Variants in NBPF11 observed in about 807,000 individuals in gnomAD.
NBPF11 encodes the protein NBPF family member NBPF11.
A neutral mutation model predicts 93.9 loss-of-function variants in NBPF11; 72 were observed. The ratio of observed to expected loss-of-function variants is 0.77; its 90% confidence interval spans 0.63 to 0.93. The LOEUF (loss-of-function observed/expected upper bound fraction) is 0.93, where lower values mean the gene tolerates loss of function less well. Among genes scored for constraint, NBPF11 ranks in the 40% least tolerant of loss-of-function variants. The probability of loss-of-function intolerance (pLI) is 0.00; values close to 1 mark genes in which losing one functional copy is unlikely to be tolerated. For missense variants in NBPF11, 705 were observed against 802.2 expected, an observed-to-expected ratio of 0.88 and a Z score of 1.46; for synonymous variants, 224 against 304.9, an observed-to-expected ratio of 0.73 and a Z score of 2.76.
intron 17 of NBPF11, 149 bp downstream of exon 17, chr1:148,109,135 C>G: frequency 2.7e-6 from 2 of 752,376 alleles, no homozygotes; most frequent in South Asian, 1.4e-5. Context: ...AACATTTACT[C>G]TAATGAGAAC....
intron 1 of NBPF11, among the ~76,000 whole-genome samples, chr1:148,148,953 G>C (rs1381263791): frequency 6.6e-6 from 1 of 151,178 alleles, no homozygotes; most frequent in East Asian, 2.0e-4. Flanking sequence ...GCAGGGAACG[G>C]GGCGGGGCCG....
intron 3 of NBPF11, among the ~76,000 whole-genome samples, 151 bp from the exon 4 acceptor site, chr1:148,135,964 C>T (rs1250637059): frequency 9.2e-5 from 14 of 152,140 alleles, no homozygotes; most frequent in East Asian, 1.9e-4. Flanking sequence ...CATGATTAAA[C>T]TCCTTCCTGA....
At position 148,126,996 on chromosome 1, in the gene NBPF11, A is replaced by G. The variant is rs1553273338; in HGVS notation, c.8T>C (p.Val3Ala). 1.4e-6 allele frequency: 1 copy of G among 729,140 alleles called. No individual in the cohort carries two copies. Among genetic ancestry groups the G allele is most frequent in the Non-Finnish European group, 2.3e-6 (1 of 426,550 alleles). The allele number at this position is 729,140 out of a possible 1,614,324, so 45.2% of individuals were successfully genotyped here. The change falls in exon 5 of 24, where the codon GTA (valine) becomes GCA (alanine). Residue 3 changes from valine (V) to alanine (A), a missense_variant. By Grantham distance (64) the Val-to-Ala change is moderately conservative. This residue lies in a region of NBPF11 where 128 missense variants were observed against 112.8 expected (regional missense o/e 1.14). Transcript: ENST00000682118. ...CTCGCTGGACCAAGGGCCGGCTGAT[A>G]CCACCATGCTGACGTTTGTGGCAGA... The part of the protein sequence containing the change: MV[V>A]SAGPWSSEKA...
chr1:148,133,820 T>C (rs3992712), intron 4 of NBPF11, among the ~76,000 whole-genome samples: 15 of 151,406 alleles, frequency 9.9e-5, no homozygotes, highest in Middle Eastern at 3.4e-3. Context: ...GTCATAAATT[T>C]CCACTATGGT....
chr1:148,134,134 C>T (rs1171388198), intron 4 of NBPF11, among the ~76,000 whole-genome samples: 6 of 151,758 alleles, frequency 4.0e-5, no homozygotes, highest in South Asian at 2.1e-4. Context: ...ACATGCACGC[C>T]GCTGTTCCCC....
At chr1:148,111,484 G>C (rs1367503970) in intron 15 of NBPF11, among the ~76,000 whole-genome samples, 10 of 151,902 alleles carry the variant, frequency 6.6e-5, no homozygotes, top group Non-Finnish European at 1.5e-4. Flanking sequence ...CGAACTCATC[G>C]CAAGGAAGCT....
chr1:148,119,661 CATT>C (rs1437589702), intron 10 of NBPF11, among the ~76,000 whole-genome samples: 7 of 151,832 alleles, frequency 4.6e-5, no homozygotes, highest in African/African-American at 1.7e-4. Flanking sequence ...TTTTATTTAT[CATT>C]ATTATTTTTT....
chr1:148,140,230 C>T (rs1671960837), intron 2 of NBPF11, among the ~76,000 whole-genome samples: 1 of 151,914 alleles, frequency 6.6e-6, no homozygotes, highest in African/African-American at 2.4e-5. Flanking sequence ...CAACCACATG[C>T]AAAGAACTAA....
At chr1:148,134,879 G>A (rs1435001570) in intron 4 of NBPF11, among the ~76,000 whole-genome samples, 3 of 151,936 alleles carry the variant, frequency 2.0e-5, no homozygotes, top group Non-Finnish European at 2.9e-5. Context: ...AGCCACTGTC[G>A]GCTGCTCATT....
chr1:148,119,890 G>A (rs1163586718), intron 10 of NBPF11, among the ~76,000 whole-genome samples: 6 of 152,004 alleles, frequency 3.9e-5, no homozygotes, highest in South Asian at 2.1e-4. Flanking sequence ...TCCTGACCTC[G>A]TGCTCTACCC....
intron 2 of NBPF11, among the ~76,000 whole-genome samples, chr1:148,141,585 G>C (rs1190670152): frequency 1.3e-5 from 2 of 152,000 alleles, no homozygotes; most frequent in African/African-American, 4.8e-5. Context: ...AGTCAGAGCA[G>C]TTGGAGATTT....
intron 2 of NBPF11, among the ~76,000 whole-genome samples, chr1:148,141,975 AGAAAG>A (rs1672241566): frequency 6.8e-6 from 1 of 146,318 alleles, no homozygotes; most frequent in Non-Finnish European, 1.5e-5. Context: ...AAGAAAAAGA[AGAAAG>A]GAAAGAATGG....
intron 11 of NBPF11, 92 bp downstream of exon 11, chr1:148,118,528 C>G: frequency 9.0e-7 from 1 of 1,112,598 alleles, no homozygotes; most frequent in Non-Finnish European, 1.4e-6. Flanking sequence ...CTTCCCCTGG[C>G]CCAGCTTAGC....
intron 21 of NBPF11, among the ~76,000 whole-genome samples, chr1:148,105,776 TGAGA>T (rs1299636402): frequency 1.7e-4 from 21 of 124,982 alleles, no homozygotes; most frequent in Non-Finnish European, 3.2e-4. Context: ...ACACACACAC[TGAGA>T]GAGAGAGAGA....
rs1571474327 is a variant in NBPF11 at position 148,132,083 on chromosome 1, G to A, written c.-36+3589C>T. On this transcript the variant is annotated intron_variant, in intron 4 of 23. Coordinates refer to ENST00000682118, the MANE Select transcript of NBPF11 (RefSeq NM_001385469.3). ...TCTGAAGTATCTATTCAAGTCTTTT[G>A]AGAAATTGTTTCATTGTGCTGTTTA... Among the ~76,000 whole-genome samples, 3 of 146,428 alleles carry A rather than the reference G, an allele frequency of 2.0e-5. No homozygotes were observed. In the South Asian group the frequency reaches 6.6e-4, roughly 32 times the overall value.
rs782314753 is a variant in NBPF11, at chr1:148,105,418, G to A, written c.2414C>T (p.Thr805Met). The A allele has an allele frequency of 3.0e-3, 3,397 of 1,115,526 alleles. 30 individuals carry two copies. The highest frequency in any genetic ancestry group is 4.5e-3 in the Admixed American group (264 of 58,576). The allele number at this position is 1,115,526 out of a possible 1,614,324, so 69.1% of individuals were successfully genotyped here. Residue 805 changes from threonine to methionine, a missense_variant, in exon 22 of 24, where the codon ACG becomes ATG. Thr to Met is a moderately conservative substitution (Grantham distance 81). Coordinates refer to ENST00000682118, the MANE Select transcript of NBPF11 (RefSeq NM_001385469.3). ...VLNSLTPASPTEVPFMHWRKN... is the reference protein window; with the variant it reads ...VLNSLTPASPMEVPFMHWRKN... Reference sequence around the variant, plus strand: ...CCTCCAATGCATAAAAGGAACTTCCGTAGGGCTGGCAGGAGTCAGGCTGTT... The same window carrying A: ...CCTCCAATGCATAAAAGGAACTTCCATAGGGCTGGCAGGAGTCAGGCTGTT...
At chr1:148,150,445 A>G (rs1647998459) in intron 1 of NBPF11, among the ~76,000 whole-genome samples, 3 of 151,282 alleles carry the variant, frequency 2.0e-5, no homozygotes, top group Admixed American at 2.0e-4. Flanking sequence ...TGTATACTTC[A>G]GTAACTTTTC....
At chr1:148,107,523 T>G (rs1160886724) in intron 19 of NBPF11, among the ~76,000 whole-genome samples, 188 bp downstream of exon 19, 114 of 152,080 alleles carry the variant, frequency 7.5e-4, no homozygotes, top group Middle Eastern at 3.5e-3. Flanking sequence ...TATAGTAAGT[T>G]AGTAAATGAC....
chr1:148,134,814 A>G (rs1352483858), intron 4 of NBPF11, among the ~76,000 whole-genome samples: 2 of 151,924 alleles, frequency 1.3e-5, no homozygotes, highest in Non-Finnish European at 1.5e-5. Context: ...AGAGAATAGA[A>G]GAGATGCTCA....
Sources: allele counts gnomAD v4.1 joint callset (sites outside exome capture counted in the v4.1 genomes callset), GRCh38; gene constraint gnomAD v4.1.1; regional missense constraint gnomAD v4.1.1; transcripts MANE v1.5; gene names NCBI Gene and HGNC (gene_info 2026-07-23, HGNC 2026-07-21).